Variants in CNOT2 observed in about 807,000 individuals in gnomAD.
CNOT2 encodes the protein CCR4-NOT transcription complex subunit 2, also known as CC chemokine receptor 4-negative regulator of transcription 2.
Under a neutral mutation model 72.1 loss-of-function variants are expected in CNOT2, and 7 were observed. The ratio of observed to expected loss-of-function variants is 0.10; its 90% CI spans 0.06 to 0.18. The LOEUF (loss-of-function observed/expected upper bound fraction) is 0.18, where lower values mean the gene tolerates loss of function less well. CNOT2 is among the 10% of genes least tolerant of loss of function. The pLI is 1.00. For missense variants in CNOT2, 345 were observed against 660.3 expected (o/e 0.52, Z 5.23); for synonymous variants, 196 against 225.6 (o/e 0.87, Z 1.17).
intron 2 of CNOT2, among the ~76,000 whole-genome samples, chr12:70,304,392 C>G (rs893670582): frequency 7.9e-5 from 12 of 152,082 alleles, no homozygotes; most frequent in Admixed American, 7.9e-4. Context: ...TGTGGATGTC[C>G]TTTCTGTTTG....
Position 70,306,184 on chromosome 12 carries a change from G to C in CNOT2, c.49-4711G>C, listed in dbSNP as rs184578676. Among the ~76,000 whole-genome samples, 275 of 152,112 alleles carry C rather than the reference G, an allele frequency of 1.8e-3. 2 individuals are homozygous for C. Among genetic ancestry groups the C allele is most frequent in the Non-Finnish European group, 2.0e-3 (134 of 68,004 alleles). On this transcript the variant is annotated intron_variant, in intron 2 of 15. Coordinates refer to ENST00000229195, the MANE Select transcript of CNOT2 (RefSeq NM_014515.7). ...TTATTTTATTTTAAGACGTAGTCTC[G>C]TGGTGTCGGCCAGGCTAGAGTGCAG...
At chr12:70,304,674 T>G (rs1874872227) in intron 2 of CNOT2, among the ~76,000 whole-genome samples, 1 of 152,242 alleles carries the variant, frequency 6.6e-6, no homozygotes, top group Non-Finnish European at 1.5e-5. Context: ...AGCTGTGTGC[T>G]GGTAGAACCA....
chr12:70,249,507 G>A (rs958680879), intron 1 of CNOT2, among the ~76,000 whole-genome samples: 1 of 151,894 alleles, frequency 6.6e-6, no homozygotes, highest in African/African-American at 2.4e-5. Flanking sequence ...ACTGGACTCA[G>A]AGTCTAATTT....
intron 1 of CNOT2, among the ~76,000 whole-genome samples, chr12:70,271,375 CTTTTTTTTTTTT>C (rs11285130): frequency 1.1e-5 from 1 of 89,480 alleles, no homozygotes; most frequent in East Asian, 3.2e-4. Context: ...ATCACATTTC[CTTTTTTTTTTTT>C]TTTTTTTTTT....
chr12:70,293,850 A>G (rs7980085), intron 2 of CNOT2, among the ~76,000 whole-genome samples: 28,058 of 150,434 alleles, frequency 0.19, 3,024 homozygotes, highest in Admixed American at 0.33. Context: ...ATGTTTTCAT[A>G]ATGGCCAGGT....
Position 70,340,887 on chromosome 12 carries a change from A to G in CNOT2, c.1179-1220A>G, listed in dbSNP as rs577693491. Among the ~76,000 whole-genome samples, 242 of 122,652 alleles carry G rather than the reference A, an allele frequency of 2.0e-3. 2 individuals carry two copies. The highest frequency in any genetic ancestry group is 7.0e-3 in the African/African-American group (228 of 32,466). The allele number at this position is 122,652 out of a possible 152,430, so 80.5% of individuals were successfully genotyped here. The stretch of plus-strand genomic sequence containing the variant: ...GTTTCATTATGATTAAAAACCCCAA[A>G]TCTTTTTTTTTTTTTTTTTTTTTTT... On this transcript the variant is annotated intron_variant, in intron 11 of 15. Transcript: ENST00000229195.
At chr12:70,316,089 TATTTTC>T (rs1877285132) in intron 3 of CNOT2, among the ~76,000 whole-genome samples, 1 of 152,108 alleles carries the variant, frequency 6.6e-6, no homozygotes, top group African/African-American at 2.4e-5. Context: ...GGTAGGTAGT[TATTTTC>T]ATTTTATAGG....
chr12:70,262,492 G>C (rs578090409), intron 1 of CNOT2, among the ~76,000 whole-genome samples: 1 of 152,080 alleles, frequency 6.6e-6, no homozygotes, highest in Admixed American at 6.5e-5. Flanking sequence ...AGCCACGATG[G>C]TCTCGATCTC....
Position 70,244,786 on chromosome 12 carries a change from GT to G in CNOT2, c.-96+1308del, listed in dbSNP as rs766529078. Among the ~76,000 whole-genome samples the G allele has an allele frequency of 1.6e-4, 24 of 152,290 alleles. 1 individual carries two copies. Among genetic ancestry groups the G allele is most frequent in the Middle Eastern group, 3.4e-3 (1 of 294 alleles). On this transcript the variant is annotated intron_variant, in intron 1 of 15. Transcript: ENST00000229195. ...TTGGCGAAATGGTAAAAAGTACTCA[GT>G]TAAAATCAGTTCACGAGGGAGGCCA... is the stretch of plus-strand genomic sequence containing the variant.
At chr12:70,339,950 A>G (rs895873307) in intron 11 of CNOT2, among the ~76,000 whole-genome samples, 1 of 152,086 alleles carries the variant, frequency 6.6e-6, no homozygotes, top group Non-Finnish European at 1.5e-5. Flanking sequence ...ACATTTTCAC[A>G]CTTTGTTGGG....
chr12:70,309,556 A>G (rs2135951559), intron 2 of CNOT2, among the ~76,000 whole-genome samples: 1 of 152,266 alleles, frequency 6.6e-6, no homozygotes, highest in East Asian at 1.9e-4. Flanking sequence ...AATAGTGACT[A>G]CAGCATTTTT....
In CNOT2 at chr12:70,330,388, T is replaced by C. The variant is rs1212802127; in HGVS notation, c.488T>C (p.Leu163Ser). 6.2e-7 allele frequency: 1 copy of C among 1,612,336 alleles called. No homozygotes were observed. The highest frequency in any genetic ancestry group is 8.5e-7 in the Non-Finnish European group (1 of 1,178,910). The change falls in exon 6 of 16, where the codon TTA becomes TCA. Residue 163 changes from leucine to serine, a missense_variant. Leu to Ser is a moderately radical substitution (Grantham distance 145). Transcript: ENST00000229195. ...SRTNSMSSSG[L>S]GSPNRSSPSI... ...ACAAATAGCATGAGCAGTTCAGGGT[T>C]AGGTAGCCCCAACAGAAGCTCGCCA...
chr12:70,294,981 T>C (rs904898832), intron 2 of CNOT2, among the ~76,000 whole-genome samples: 2 of 152,086 alleles, frequency 1.3e-5, no homozygotes. Context: ...ATGCCAACAC[T>C]CCTGGCATTT....
chr12:70,275,329 T>A (rs919034582), intron 1 of CNOT2, among the ~76,000 whole-genome samples: 2 of 152,062 alleles, frequency 1.3e-5, no homozygotes, highest in African/African-American at 4.8e-5. Context: ...GATGTTGTGA[T>A]CATGTGGTTT....
chr12:70,321,377 G>T (rs913996863), intron 4 of CNOT2, among the ~76,000 whole-genome samples: 1 of 151,838 alleles, frequency 6.6e-6, no homozygotes, highest in African/African-American at 2.4e-5. Flanking sequence ...AGGTCATTCA[G>T]CTGGTAGGTA....
intron 2 of CNOT2, among the ~76,000 whole-genome samples, chr12:70,294,725 G>A (rs1475837614): frequency 3.3e-5 from 5 of 152,110 alleles, no homozygotes; most frequent in Non-Finnish European, 1.5e-5. Flanking sequence ...AGCTTTAGAT[G>A]TGCTATTTTT....
At chr12:70,320,158 G>A (rs1266561937) in intron 4 of CNOT2, among the ~76,000 whole-genome samples, 1 of 151,496 alleles carries the variant, frequency 6.6e-6, no homozygotes, top group Non-Finnish European at 1.5e-5. Flanking sequence ...TAGAAGAAGG[G>A]AATTAAAAGT....
At chr12:70,308,032 A>G (rs79903423) in intron 2 of CNOT2, 21,972 of 152,090 alleles carry the variant, frequency 0.14, 1,924 homozygotes, top group Admixed American at 0.28. Context: ...AGCCCCAACC[A>G]GTCTCTCTGA....
At position 70,330,402 on chromosome 12, in the gene CNOT2, A is replaced by G; in HGVS notation, c.502A>G (p.Arg168Gly). ...MSSSGLGSPN[R>G]SSPSIICMPK... ...CAGTTCAGGGTTAGGTAGCCCCAAC[A>G]GAAGCTCGCCAAGCATAATATGTAT... Residue 168 changes from arginine (R) to glycine (G), a missense_variant, in exon 6 of 16, where the codon AGA becomes GGA. Transcript: ENST00000229195. The G allele has an allele frequency of 1.2e-6, 2 of 1,612,702 alleles. No individual in the cohort carries two copies. The highest frequency in any genetic ancestry group is 1.7e-6 in the Non-Finnish European group (2 of 1,179,104).
Sources: allele counts gnomAD v4.1 joint callset (sites outside exome capture counted in the v4.1 genomes callset), GRCh38; gene constraint gnomAD v4.1.1; transcripts MANE v1.5; gene names NCBI Gene and HGNC (gene_info 2026-07-23, HGNC 2026-07-21).